Variants in SPICE1 observed in about 807,000 individuals in gnomAD.
SPICE1 encodes spindle and centriole-associated protein 1.
A neutral mutation model predicts 102.7 loss-of-function variants in SPICE1; 75 were observed. The ratio of observed to expected loss-of-function variants is 0.73; its 90% CI spans 0.61 to 0.88. The LOEUF is 0.88. Among genes scored for constraint, SPICE1 ranks in the 40% least tolerant of loss-of-function variants. The pLI, the probability that SPICE1 is intolerant of heterozygous loss-of-function variation, is 0.00. For synonymous variants in SPICE1, 308 were observed against 350.3 expected (o/e 0.88, Z 1.35); for missense variants, 979 against 1,020.1 (o/e 0.96, Z 0.55).
intron 1 of SPICE1, among the ~76,000 whole-genome samples, chr3:113,512,016 A>C (rs1056422432): frequency 6.6e-6 from 1 of 152,224 alleles, no homozygotes; most frequent in South Asian, 2.1e-4. Flanking sequence ...AAATGGGGGG[A>C]AAAGTATTTC....
chr3:113,489,180 G>A, intron 6 of SPICE1, 117 bp from the exon 7 acceptor site: 1 of 624,270 alleles, frequency 1.6e-6, no homozygotes, highest in South Asian at 2.0e-5. Flanking sequence ...TCCACATGTT[G>A]TAGAACACAA....
At chr3:113,486,275 C>T (rs1337540352) in intron 7 of SPICE1, among the ~76,000 whole-genome samples, 1 of 146,308 alleles carries the variant, frequency 6.8e-6, no homozygotes, top group Non-Finnish European at 1.5e-5. Flanking sequence ...TGACACCTAA[C>T]ATCACAATTA....
Position 113,503,341 on chromosome 3 carries a change from C to T in SPICE1, c.100-114G>A, listed in dbSNP as rs1201777698. ...TTTCAAAATCCTAGGACCAAAAATT[C>T]TTTCTTTCTAGGAACCAGTATTCTC... On this transcript the variant is annotated intron_variant, in intron 2 of 17. Transcript: ENST00000295872. The T allele has an allele frequency of 4.9e-6, 5 of 1,030,368 alleles. No homozygotes were observed. The African/African-American group carries it at 8.4e-5, about 17-fold the overall frequency. 63.8% of individuals were successfully genotyped at this position (1,030,368 alleles called of 1,614,324 possible). A position where few individuals can be genotyped will look rare whatever the true frequency, so the allele number is the denominator to read the frequency against.
At chr3:113,512,405 CTT>C (rs34015506) in intron 1 of SPICE1, among the ~76,000 whole-genome samples, 15,737 of 103,684 alleles carry the variant, frequency 0.15, 389 homozygotes, top group Middle Eastern at 0.19. Context: ...GAAAAGCTTT[CTT>C]TTTTTTTTTT....
At chr3:113,480,862 G>C (rs1241118381) in intron 7 of SPICE1, among the ~76,000 whole-genome samples, 1 of 91,842 alleles carries the variant, frequency 1.1e-5, no homozygotes, top group Non-Finnish European at 2.1e-5. Flanking sequence ...GGGTGACAGA[G>C]TGAGATCCTG....
At position 113,465,619 on chromosome 3, in the gene SPICE1, T is replaced by C. The variant is rs201557163; in HGVS notation, c.1287+34A>G. ...CATGTTTAAAGATGTTTTATACCAC[T>C]GAACACATAAAAATTGGGATCTCAT... On this transcript the variant is annotated intron_variant, in intron 11 of 17. Coordinates refer to ENST00000295872, the MANE Select transcript of SPICE1 (RefSeq NM_144718.4). 6.5e-4 allele frequency: 1,035 copies of C among 1,600,012 alleles called. 2 individuals carry two copies. The highest frequency in any genetic ancestry group is 6.8e-4 in the Non-Finnish European group (796 of 1,173,182).
chr3:113,458,412 C>G (rs537427022), intron 12 of SPICE1, among the ~76,000 whole-genome samples: 7 of 152,238 alleles, frequency 4.6e-5, no homozygotes, highest in Admixed American at 4.6e-4. Flanking sequence ...CGGGGTTTCG[C>G]CGTGTTGGCC....
intron 3 of SPICE1, 46 bp downstream of exon 3, chr3:113,503,134 A>C: frequency 6.3e-7 from 1 of 1,579,664 alleles, no homozygotes; most frequent in Non-Finnish European, 8.6e-7. Flanking sequence ...GTCAAATACC[A>C]AATAAAACAC....
At chr3:113,464,918 G>C (rs1336078281) in intron 11 of SPICE1, among the ~76,000 whole-genome samples, 2 of 152,038 alleles carry the variant, frequency 1.3e-5, no homozygotes, top group Non-Finnish European at 2.9e-5. Flanking sequence ...ACCAGCCTGG[G>C]CAACATGGTG....
intron 7 of SPICE1, among the ~76,000 whole-genome samples, chr3:113,485,539 T>A (rs965010009): frequency 1.3e-5 from 2 of 151,992 alleles, no homozygotes; most frequent in Middle Eastern, 3.4e-3. Context: ...TTCTCCTCAA[T>A]GGGCAGAACA....
intron 7 of SPICE1, among the ~76,000 whole-genome samples, chr3:113,481,389 C>A (rs1399717586): frequency 6.6e-6 from 1 of 150,802 alleles, no homozygotes; most frequent in Non-Finnish European, 1.5e-5. Context: ...TGTTGAAAAA[C>A]AGAAAAGTAG....
intron 16 of SPICE1, among the ~76,000 whole-genome samples, chr3:113,447,376 G>A (rs956424806): frequency 2.6e-5 from 4 of 152,010 alleles, no homozygotes; most frequent in African/African-American, 9.7e-5. Flanking sequence ...TACAACAGAT[G>A]ATCTAATGTT....
intron 12 of SPICE1, chr3:113,460,274 T>C: frequency 1.0e-6 from 1 of 970,396 alleles, no homozygotes; most frequent in South Asian, 4.8e-5. Flanking sequence ...TTGGTCTAGG[T>C]GTCCAGTTCT....
At chr3:113,479,272 A>C (rs1376799003) in intron 7 of SPICE1, among the ~76,000 whole-genome samples, 2 of 150,724 alleles carry the variant, frequency 1.3e-5, no homozygotes, top group Non-Finnish European at 3.0e-5. Context: ...GATGATTTCC[A>C]ATTTCATCCA....
At position 113,507,182 on chromosome 3, in the gene SPICE1, TAAAC is replaced by T. The variant is rs1024580203; in HGVS notation, c.1-581_1-578del. 4.1e-4 allele frequency among the ~76,000 whole-genome samples: 63 copies of T among 152,176 alleles called. 1 individual carries two copies. The highest frequency in any genetic ancestry group is 3.3e-3 in the Admixed American group (51 of 15,272). On this transcript the variant is annotated intron_variant, in intron 1 of 17. Coordinates refer to ENST00000295872, the MANE Select transcript of SPICE1 (RefSeq NM_144718.4). ...ATTATTGATTTTTTTCTATTGCTGA[TAAAC>T]AAATTAATAATTATTGATTTTAAAC...
At chr3:113,460,427 TAAC>T (rs1298757052) in intron 12 of SPICE1, 187 bp downstream of exon 12, 13 of 975,172 alleles carry the variant, frequency 1.3e-5, no homozygotes, top group Non-Finnish European at 1.5e-5. Flanking sequence ...ATGTAAGACT[TAAC>T]AAGTATCTGG....
chr3:113,512,378 G>T (rs1428418842), intron 1 of SPICE1, among the ~76,000 whole-genome samples: 2 of 147,838 alleles, frequency 1.4e-5, no homozygotes, highest in African/African-American at 5.0e-5. Flanking sequence ...CAAAAACTCT[G>T]ACCCCACCTT....
chr3:113,465,512 A>C (rs959043946), intron 11 of SPICE1, 141 bp downstream of exon 11: 2 of 680,928 alleles, frequency 2.9e-6, no homozygotes, highest in Non-Finnish European at 4.9e-6. Flanking sequence ...GTTCAATAAT[A>C]CCTGCCACTG....
chr3:113,468,951 A>G, intron 8 of SPICE1, 52 bp from the exon 9 acceptor site: 1 of 1,579,418 alleles, frequency 6.3e-7, no homozygotes, highest in East Asian at 2.2e-5. Flanking sequence ...ACTTCTTAAG[A>G]AAGTATTTCA....
Sources: gnomAD v4.1 joint callset for allele counts (sites outside exome capture counted in the v4.1 genomes callset) on GRCh38, gnomAD v4.1.1 for gene constraint, MANE v1.5 for transcripts, NCBI Gene and HGNC (gene_info 2026-07-23, HGNC 2026-07-21) for gene names.